VWC2L: variants seen among roughly 807,000 people sequenced by gnomAD.
VWC2L encodes the protein von Willebrand factor C domain-containing protein 2-like.
A neutral mutation model predicts 21.6 loss-of-function variants in VWC2L; 10 were observed. That is an observed-to-expected ratio of 0.46 (90% CI 0.29 to 0.78). The LOEUF is 0.78. VWC2L is among the 30% of genes least tolerant of loss of function. The pLI, the probability that VWC2L is intolerant of heterozygous loss-of-function variation, is 0.10. For missense variants in VWC2L, 209 were observed against 277.1 expected, an observed-to-expected ratio of 0.75 and a Z score of 1.74; for synonymous variants, 96 against 94.3, an observed-to-expected ratio of 1.02 and a Z score of -0.10.
intron 3 of VWC2L, among the ~76,000 whole-genome samples, chr2:214,495,060 G>A (rs1405477726): frequency 6.6e-6 from 1 of 152,026 alleles, no homozygotes; most frequent in Non-Finnish European, 1.5e-5. Flanking sequence ...AAACAACTAT[G>A]TCATACTTTC....
At chr2:214,557,897 G>T (rs1459592498) in intron 3 of VWC2L, among the ~76,000 whole-genome samples, 1 of 152,096 alleles carries the variant, frequency 6.6e-6, no homozygotes, top group Non-Finnish European at 1.5e-5. Context: ...AGCATTTAAA[G>T]ATATTTCTCT....
intron 3 of VWC2L, among the ~76,000 whole-genome samples, chr2:214,454,548 G>A (rs577731946): frequency 6.2e-5 from 9 of 145,626 alleles, no homozygotes; most frequent in Middle Eastern, 4.0e-3. Context: ...AGATAATCAT[G>A]TGGGGTTTAT....
At position 214,555,861 on chromosome 2, in the gene VWC2L, C is replaced by T. The variant is rs554938769; in HGVS notation, c.521-19811C>T. ...TCTATGGGCTCTTCAGTAATATTCT[C>T]ATCATATAAAATCTCAATCATTCTC... On this transcript the variant is annotated intron_variant, in intron 3 of 3. Transcript: ENST00000312504. Among the ~76,000 whole-genome samples the T allele has an allele frequency of 2.4e-4, 37 of 152,264 alleles. 1 individual carries two copies. The South Asian group carries it at 7.5e-3, about 31-fold the overall frequency.
chr2:214,522,876 A>G, intron 3 of VWC2L, among the ~76,000 whole-genome samples: 1 of 151,660 alleles, frequency 6.6e-6, no homozygotes, highest in African/African-American at 2.4e-5. Context: ...CACAATACAC[A>G]GAACAATACG....
intron 2 of VWC2L, among the ~76,000 whole-genome samples, chr2:214,430,789 C>T (rs575945076): frequency 2.0e-5 from 3 of 152,162 alleles, no homozygotes; most frequent in Non-Finnish European, 2.9e-5. Context: ...AATAATACCA[C>T]GATATACATT....
intron 2 of VWC2L, among the ~76,000 whole-genome samples, chr2:214,432,876 G>A (rs747953804): frequency 2.6e-5 from 4 of 152,076 alleles, no homozygotes; most frequent in African/African-American, 4.8e-5. Flanking sequence ...ACAAAAATTA[G>A]CCAGGCATGG....
At chr2:214,465,290 A>G (rs1200260514) in intron 3 of VWC2L, among the ~76,000 whole-genome samples, 4 of 152,010 alleles carry the variant, frequency 2.6e-5, no homozygotes, top group East Asian at 3.9e-4. Flanking sequence ...TCCCACAGTG[A>G]GAATTGCCTG....
intron 3 of VWC2L, among the ~76,000 whole-genome samples, chr2:214,449,482 A>T (rs1409776348): frequency 6.6e-6 from 1 of 152,246 alleles, no homozygotes; most frequent in Non-Finnish European, 1.5e-5. Context: ...AGTTAATTCT[A>T]GATATCACAT....
intron 3 of VWC2L, among the ~76,000 whole-genome samples, chr2:214,478,950 T>G (rs1688563985): frequency 6.6e-6 from 1 of 152,138 alleles, no homozygotes; most frequent in African/African-American, 2.4e-5. Context: ...GCCGCCTCAT[T>G]AGGCTTGGGA....
chr2:214,543,980 A>G lies in VWC2L; in HGVS notation c.521-31692A>G, dbSNP rs1336251652. 3.3e-5 allele frequency among the ~76,000 whole-genome samples: 5 copies of G among 152,206 alleles called. No homozygotes were observed. In the East Asian group the frequency reaches 9.6e-4, roughly 29 times the overall value. On this transcript the variant is annotated intron_variant, in intron 3 of 3. Coordinates refer to ENST00000312504, the MANE Select transcript of VWC2L (RefSeq NM_001080500.4). ...CTATAGCGCTTTGCAAGTTACAGGA[A>G]TGTTTTCTCTCTTACGATTGTACTT...
intron 3 of VWC2L, among the ~76,000 whole-genome samples, chr2:214,458,749 T>C (rs919253530): frequency 2.6e-5 from 4 of 152,186 alleles, no homozygotes; most frequent in African/African-American, 4.8e-5. Flanking sequence ...GTCTTATTAA[T>C]TTCTAGTTTT....
At chr2:214,453,449 G>A (rs1398030683) in intron 3 of VWC2L, among the ~76,000 whole-genome samples, 1 of 152,048 alleles carries the variant, frequency 6.6e-6, no homozygotes, top group African/African-American at 2.4e-5. Context: ...AGCTGTTCTA[G>A]GTTCTTTGAT....
At chr2:214,549,165 C>A (rs1365281048) in intron 3 of VWC2L, among the ~76,000 whole-genome samples, 1 of 152,200 alleles carries the variant, frequency 6.6e-6, no homozygotes, top group African/African-American at 2.4e-5. Context: ...TCTTATTAGA[C>A]CCTTGTAATT....
intron 3 of VWC2L, among the ~76,000 whole-genome samples, chr2:214,558,217 G>T (rs115830104): frequency 6.6e-6 from 1 of 151,944 alleles, no homozygotes; most frequent in African/African-American, 2.4e-5. Context: ...TGTCTTCTTA[G>T]GTGGCTCCAT....
chr2:214,531,756 G>A (rs771634481), intron 3 of VWC2L, among the ~76,000 whole-genome samples: 10 of 152,254 alleles, frequency 6.6e-5, no homozygotes, highest in Non-Finnish European at 1.3e-4. Flanking sequence ...GGAAGCTACC[G>A]AGGTCTTATT....
Position 214,414,328 on chromosome 2 carries a change from T to C in VWC2L, c.135T>C (p.Phe45=). 1.2e-6 allele frequency: 2 copies of C among 1,613,880 alleles called. No homozygotes were observed. The highest frequency in any genetic ancestry group is 1.7e-6 in the Non-Finnish European group (2 of 1,179,840). The part of the protein sequence containing the change: ...DQISSNDNLI[F]DDYRGKGCVD... Reference sequence around the variant, plus strand: ...TCTCCAGTAATGACAATCTGATCTTTGATGACTATCGAGGGAAAGGGTGTG... The same window carrying C: ...TCTCCAGTAATGACAATCTGATCTTCGATGACTATCGAGGGAAAGGGTGTG... Residue 45 remains phenylalanine, a synonymous_variant, in exon 2 of 4, where the codon TTT becomes TTC. Coordinates refer to ENST00000312504, the MANE Select transcript of VWC2L (RefSeq NM_001080500.4).
intron 3 of VWC2L, among the ~76,000 whole-genome samples, chr2:214,455,109 GTC>G (rs1469228603): frequency 6.6e-6 from 1 of 152,110 alleles, no homozygotes; most frequent in East Asian, 1.9e-4. Flanking sequence ...TAGGAACATA[GTC>G]TCTCTTATTC....
At chr2:214,502,411 A>G (rs938658029) in intron 3 of VWC2L, among the ~76,000 whole-genome samples, 1 of 152,078 alleles carries the variant, frequency 6.6e-6, no homozygotes, top group Non-Finnish European at 1.5e-5. Context: ...CTCTACTAAA[A>G]ATACAAAAAT....
At chr2:214,543,429 T>C (rs575224221) in intron 3 of VWC2L, among the ~76,000 whole-genome samples, 1 of 152,366 alleles carries the variant, frequency 6.6e-6, no homozygotes, top group Non-Finnish European at 1.5e-5. Flanking sequence ...GCAATTTGTT[T>C]TGAAAGTCAA....
Sources: gnomAD v4.1 joint callset for allele counts (sites outside exome capture counted in the v4.1 genomes callset) on GRCh38, gnomAD v4.1.1 for gene constraint, MANE v1.5 for transcripts, NCBI Gene and HGNC (gene_info 2026-07-23, HGNC 2026-07-21) for gene names.